Variants in ACKR3 observed in about 807,000 individuals in gnomAD.
ACKR3 encodes C-X-C chemokine receptor type 7.
Under a neutral mutation model 22.4 loss-of-function variants are expected in ACKR3, and 6 were observed. The ratio of observed to expected loss-of-function variants is 0.27; its 90% CI spans 0.15 to 0.53. The LOEUF (loss-of-function observed/expected upper bound fraction) is 0.53. Ranked by LOEUF, ACKR3 falls within the 20% of genes least tolerant of loss-of-function variation. The pLI is 0.96. For missense variants in ACKR3, 396 were observed against 475.2 expected (o/e 0.83, Z 1.55); for synonymous variants, 209 against 205.2 (o/e 1.02, Z -0.16).
At chr2:236,547,240 T>C in the ACKR3 span, among the ~76,000 whole-genome samples, 3 of 152,214 alleles carry the variant, frequency 2.0e-5, no homozygotes, top group South Asian at 4.1e-4. Flanking sequence ...AATGACTGTT[T>C]ACAAATATTA....
Position 236,581,569 on chromosome 2 carries a change from G to T in ACKR3, c.*15G>T. 6.2e-7 allele frequency: 1 copy of T among 1,602,574 alleles called. No individual in the cohort carries two copies. Among genetic ancestry groups the T allele is most frequent in the East Asian group, 2.2e-5 (1 of 44,596 alleles). ...GCACCAAATGATCTGCCCTGGAGAG[G>T]CTCTGGGACGGGTTTACTTGTTTTT... On this transcript the variant is annotated 3_prime_UTR_variant, in exon 2 of 2. Coordinates refer to ENST00000272928, the MANE Select transcript of ACKR3 (RefSeq NM_020311.3). The surrounding 1 kb of genome is among the most constrained non-coding windows in gnomAD (Gnocchi z 4.4).
intron 1 of ACKR3, among the ~76,000 whole-genome samples, chr2:236,579,115 C>T (rs1435486842): frequency 6.6e-6 from 1 of 152,214 alleles, no homozygotes; most frequent in African/African-American, 2.4e-5. Context: ...CCAGGAATGT[C>T]TGATCTCGGA....
At chr2:236,538,553 G>A in the ACKR3 span, among the ~76,000 whole-genome samples, 1 of 152,136 alleles carries the variant, frequency 6.6e-6, no homozygotes, top group Non-Finnish European at 1.5e-5. Context: ...CATGGAAAGG[G>A]GCTGCAGTTC....
the ACKR3 span, among the ~76,000 whole-genome samples, chr2:236,557,017 TG>T: frequency 6.6e-6 from 1 of 152,160 alleles, no homozygotes; most frequent in Non-Finnish European, 1.5e-5. Flanking sequence ...ACTAACATTA[TG>T]GTGATTTGTT....
chr2:236,571,462 G>A (rs552946235), intron 1 of ACKR3, among the ~76,000 whole-genome samples: 1 of 152,194 alleles, frequency 6.6e-6, no homozygotes, highest in African/African-American at 2.4e-5. Context: ...TTTTAAAAAA[G>A]TTCCATAAAG....
chr2:236,542,430 G>C, the ACKR3 span, among the ~76,000 whole-genome samples: 1 of 152,170 alleles, frequency 6.6e-6, no homozygotes, highest in African/African-American at 2.4e-5. Context: ...GAAGAGGAAG[G>C]GCTCATCCTG....
Position 236,582,099 on chromosome 2 carries a change from T to C in ACKR3, c.*545T>C, listed in dbSNP as rs1038883731. On this transcript the variant is annotated 3_prime_UTR_variant, in exon 2 of 2. Coordinates refer to ENST00000272928, the MANE Select transcript of ACKR3 (RefSeq NM_020311.3). ...AAATATATATAAATATATAAATATA[T>C]GCCAGTCTTGGCTGAAATGTTTTAT... 7 of 165,196 alleles carry C rather than the reference T, an allele frequency of 4.2e-5. No individual in the cohort carries two copies. The highest frequency in any genetic ancestry group is 7.4e-5 in the Non-Finnish European group (5 of 67,764). The allele number at this position is 165,196 out of a possible 1,614,324, so 10.2% of individuals were successfully genotyped here.
chr2:236,581,374 G>A lies in ACKR3; in HGVS notation c.909G>A (p.Leu303=). 6.2e-7 allele frequency: 1 copy of A among 1,614,062 alleles called. No homozygotes were observed. Among genetic ancestry groups the A allele is most frequent in the East Asian group, 2.2e-5 (1 of 44,872 alleles). Residue 303 remains leucine, a synonymous_variant, in exon 2 of 2, where the codon CTG becomes CTA. Transcript: ENST00000272928. This position sits in a 1 kb window ranked among gnomAD's most constrained non-coding sequence, Gnocchi z 4.4. ...LFTALHVTQC[L]SLVHCCVNPV... is the part of the protein sequence containing the mutation. ...CGGCCCTGCATGTCACACAGTGCCT[G>A]TCGCTGGTGCACTGCTGCGTCAACC...
chr2:236,541,651 G>C, the ACKR3 span, among the ~76,000 whole-genome samples: 1 of 152,200 alleles, frequency 6.6e-6, no homozygotes, highest in Admixed American at 6.5e-5. Context: ...CGCCTGTATA[G>C]TGGGTATAAA....
the ACKR3 span, among the ~76,000 whole-genome samples, chr2:236,542,898 A>G: frequency 1.2e-5 from 1 of 84,644 alleles, no homozygotes; most frequent in Non-Finnish European, 2.0e-5. Context: ...AGTGGTACAG[A>G]TTTTGTTCTA....
the ACKR3 span, among the ~76,000 whole-genome samples, chr2:236,543,941 G>GTATATATATATA: frequency 2.1e-4 from 12 of 57,806 alleles, no homozygotes; most frequent in East Asian, 5.4e-4. Context: ...TGGGAGAAGG[G>GTATATATATATA]TATATATATA....
At chr2:236,546,941 G>A in the ACKR3 span, among the ~76,000 whole-genome samples, 1 of 152,254 alleles carries the variant, frequency 6.6e-6, no homozygotes, top group Non-Finnish European at 1.5e-5. The surrounding 1 kb of genome is among the most constrained non-coding windows in gnomAD (Gnocchi z 4.9). Flanking sequence ...TGTTCCCACT[G>A]TAAATCAATG....
the ACKR3 span, among the ~76,000 whole-genome samples, chr2:236,559,675 C>T: frequency 6.6e-6 from 1 of 152,198 alleles, no homozygotes; most frequent in Non-Finnish European, 1.5e-5. Context: ...TGTATACCCA[C>T]ATAACCACTC....
At chr2:236,554,373 G>A in the ACKR3 span, among the ~76,000 whole-genome samples, 8 of 152,168 alleles carry the variant, frequency 5.3e-5, no homozygotes, top group Non-Finnish European at 1.0e-4. Flanking sequence ...CTTGAACAGG[G>A]AATATTTGAT....
At chr2:236,553,998 T>C in the ACKR3 span, among the ~76,000 whole-genome samples, 2 of 152,220 alleles carry the variant, frequency 1.3e-5, no homozygotes, top group African/African-American at 2.4e-5. Context: ...GTGAGGGTCC[T>C]GGACAGAGGT....
At chr2:236,551,697 G>A in the ACKR3 span, among the ~76,000 whole-genome samples, 1 of 152,186 alleles carries the variant, frequency 6.6e-6, no homozygotes, top group Admixed American at 6.5e-5. Flanking sequence ...ACCAAAATGT[G>A]CCTTGGACTG....
At chr2:236,549,117 C>T in the ACKR3 span, among the ~76,000 whole-genome samples, 27 of 152,216 alleles carry the variant, frequency 1.8e-4, no homozygotes, top group Non-Finnish European at 3.7e-4. The surrounding 1 kb of genome is among the most constrained non-coding windows in gnomAD (Gnocchi z 5.3). Context: ...GAGATAAGCT[C>T]TTCTCATTTC....
At chr2:236,546,982 CT>C in the ACKR3 span, among the ~76,000 whole-genome samples, 11 of 152,226 alleles carry the variant, frequency 7.2e-5, no homozygotes, top group Non-Finnish European at 1.5e-4. The surrounding 1 kb of genome is among the most constrained non-coding windows in gnomAD (Gnocchi z 4.9). Flanking sequence ...TTGTCTTCCC[CT>C]GAACAGTACA....
chr2:236,566,675 C>T (rs532954741), upstream of ACKR3, among the ~76,000 whole-genome samples: 10 of 148,042 alleles, frequency 6.8e-5, no homozygotes, highest in Non-Finnish European at 1.3e-4. Context: ...GTAGTGGACG[C>T]GAACTGCTTG....
Sources: gnomAD v4.1 joint callset for allele counts (sites outside exome capture counted in the v4.1 genomes callset) on GRCh38, gnomAD v4.1.1 for gene constraint, Gnocchi (gnomAD v3.1) non-coding constraint, MANE v1.5 for transcripts, NCBI Gene and HGNC (gene_info 2026-07-23, HGNC 2026-07-21) for gene names.